ARHGEF28: variants seen among roughly 807,000 people sequenced by gnomAD.
The protein encoded by ARHGEF28 is Rho guanine nucleotide exchange factor 28.
In ARHGEF28, 152 loss-of-function variants were observed where a neutral mutation model predicts 206.6. The ratio of observed to expected loss-of-function variants is 0.74; its 90% CI spans 0.64 to 0.84. The LOEUF is 0.84. Ranked by LOEUF, ARHGEF28 falls within the 40% of genes least tolerant of loss-of-function variation. The probability of loss-of-function intolerance (pLI) is 0.00; values close to 1 mark genes in which losing one functional copy is unlikely to be tolerated. For missense variants in ARHGEF28, 2,028 were observed against 2,073.2 expected, an observed-to-expected ratio of 0.98 and a Z score of 0.42; for synonymous variants, 763 against 776.4, an observed-to-expected ratio of 0.98 and a Z score of 0.29.
intron 2 of ARHGEF28, among the ~76,000 whole-genome samples, chr5:73,701,664 A>G (rs1236111958): frequency 6.6e-6 from 1 of 152,016 alleles, no homozygotes; most frequent in East Asian, 1.9e-4. Context: ...CTTGATCTCT[A>G]TAATTTTGTC....
chr5:73,753,214 C>G lies in ARHGEF28; in HGVS notation c.475+12C>G. On this transcript the variant is annotated intron_variant, in intron 4 of 35. Coordinates refer to ENST00000513042, the MANE Select transcript of ARHGEF28 (RefSeq NM_001177693.2). ...TTCTTCACTTGAAGGTGGGTCATCA[C>G]CAGAAAATTCAGATATCCCCTCTGT... is the stretch of plus-strand genomic sequence containing the variant. 1 of 1,516,272 alleles carries G rather than the reference C, an allele frequency of 6.6e-7. No homozygotes were observed. The highest frequency in any genetic ancestry group is 1.3e-5 in the South Asian group (1 of 74,274). 93.9% of individuals were successfully genotyped at this position (1,516,272 alleles called of 1,614,324 possible). A position where few individuals can be genotyped will look rare whatever the true frequency, so the allele number is the denominator to read the frequency against.
intron 30 of ARHGEF28, chr5:73,900,640 A>T (rs1326233136): frequency 6.6e-6 from 1 of 152,334 alleles, no homozygotes; most frequent in East Asian, 1.9e-4. Flanking sequence ...CTTGGTTTGT[A>T]TGACTATGAG....
intron 14 of ARHGEF28, among the ~76,000 whole-genome samples, chr5:73,857,075 C>T (rs1265937594): frequency 1.3e-5 from 2 of 152,164 alleles, no homozygotes; most frequent in African/African-American, 2.4e-5. Flanking sequence ...TATCCATAGC[C>T]TCTCTCCTCC....
chr5:73,796,450 C>T (rs973350544), intron 9 of ARHGEF28, among the ~76,000 whole-genome samples: 7 of 152,202 alleles, frequency 4.6e-5, no homozygotes, highest in Non-Finnish European at 5.9e-5. Context: ...GGGTAACCCA[C>T]GGGGTCACCG....
chr5:73,748,383 T>G (rs946756167), intron 2 of ARHGEF28, among the ~76,000 whole-genome samples: 3 of 152,218 alleles, frequency 2.0e-5, no homozygotes, highest in Non-Finnish European at 4.4e-5. Context: ...TTTATACCAT[T>G]TCATAATTTC....
intron 11 of ARHGEF28, 104 bp from the exon 12 acceptor site, chr5:73,846,164 C>A (rs72772523): frequency 2.9e-5 from 24 of 841,136 alleles, no homozygotes; most frequent in Middle Eastern, 7.4e-4. Context: ...ACCTATTGCA[C>A]CCCCCCCGCC....
intron 4 of ARHGEF28, among the ~76,000 whole-genome samples, chr5:73,772,800 T>C (rs1406879884): frequency 6.6e-6 from 1 of 152,208 alleles, no homozygotes; most frequent in Non-Finnish European, 1.5e-5. Context: ...TCAAACTGCC[T>C]TTTATTGGTT....
intron 22 of ARHGEF28, among the ~76,000 whole-genome samples, chr5:73,875,553 G>T (rs1378943655): frequency 1.3e-5 from 2 of 151,444 alleles, no homozygotes; most frequent in East Asian, 3.9e-4. Flanking sequence ...ATGGTTTTAG[G>T]TCTAACATGT....
intron 1 of ARHGEF28, among the ~76,000 whole-genome samples, chr5:73,645,359 G>T (rs1744364874): frequency 6.6e-6 from 1 of 152,080 alleles, no homozygotes; most frequent in African/African-American, 2.4e-5. Context: ...TAGGTTGTTA[G>T]GGTTTCCAAT....
chr5:73,680,916 T>G (rs2112239939), intron 1 of ARHGEF28, among the ~76,000 whole-genome samples: 1 of 152,256 alleles, frequency 6.6e-6, no homozygotes, highest in South Asian at 2.1e-4. Flanking sequence ...TTGCCCAGGC[T>G]GGTCTCAAAC....
chr5:73,645,409 T>C (rs1744367476), intron 1 of ARHGEF28, among the ~76,000 whole-genome samples: 1 of 152,204 alleles, frequency 6.6e-6, no homozygotes, highest in Non-Finnish European at 1.5e-5. Flanking sequence ...TGAAATTTCT[T>C]CTCAGATTGT....
At chr5:73,839,549 T>G (rs759112364) in intron 10 of ARHGEF28, among the ~76,000 whole-genome samples, 10 of 152,208 alleles carry the variant, frequency 6.6e-5, no homozygotes, top group Non-Finnish European at 1.2e-4. Flanking sequence ...TTAGAGCAAG[T>G]GCTTTCATCA....
rs773004965 is a variant in ARHGEF28 at position 73,776,559 on chromosome 5, A to T, written c.703A>T (p.Ser235Cys). ...WSPSFSRVQL[S>C]EEASLHYIHS... ...CCCAAGCTTCTCCCGAGTGCAGCTC[A>T]GTGAAGAAGCCTCCTTGCATTACAT... The change falls in exon 6 of 36, where the codon AGT (serine) becomes TGT (cysteine). Residue 235 changes from serine to cysteine, a missense_variant. Ser to Cys is a moderately radical substitution (Grantham distance 112, BLOSUM62 -1). Transcript: ENST00000513042. 1 of 1,613,884 alleles carries T rather than the reference A, an allele frequency of 6.2e-7. No individual in the cohort carries two copies. Among genetic ancestry groups the T allele is most frequent in the South Asian group, 1.1e-5 (1 of 91,052 alleles).
intron 9 of ARHGEF28, among the ~76,000 whole-genome samples, chr5:73,809,430 G>T (rs1755709646): frequency 6.6e-6 from 1 of 152,074 alleles, no homozygotes; most frequent in African/African-American, 2.4e-5. Flanking sequence ...GGAATGACTT[G>T]GTTAGGGCCA....
rs550297224 is a variant in ARHGEF28, at chr5:73,928,524, T to G, written c.4949-12320T>G. ...AAGAAGCAGGTAGAACTAATTAGCT[T>G]GGGTGTGTTAGGTTTAATTGCTTGC... On this transcript the variant is annotated intron_variant, in intron 35 of 35. Transcript: ENST00000513042. Among the ~76,000 whole-genome samples the G allele has an allele frequency of 1.5e-4, 23 of 152,290 alleles. 1 individual carries two copies. The South Asian group carries it at 4.8e-3, about 32-fold the overall frequency.
At chr5:73,872,280 A>G (rs1253243869) in intron 21 of ARHGEF28, among the ~76,000 whole-genome samples, 1 of 152,108 alleles carries the variant, frequency 6.6e-6, no homozygotes, top group Non-Finnish European at 1.5e-5. Context: ...CCATTTGTAT[A>G]TCCTTTTGGA....
intron 2 of ARHGEF28, among the ~76,000 whole-genome samples, chr5:73,739,466 G>C (rs1453006992): frequency 1.3e-5 from 2 of 152,106 alleles, no homozygotes; most frequent in Non-Finnish European, 2.9e-5. Context: ...AATAAACTAA[G>C]CATAAATCCA....
intron 9 of ARHGEF28, among the ~76,000 whole-genome samples, chr5:73,809,923 A>G (rs954486210): frequency 1.3e-5 from 2 of 152,238 alleles, no homozygotes; most frequent in African/African-American, 4.8e-5. Flanking sequence ...TGCAATTACA[A>G]TCAGCCAGTA....
At chr5:73,722,785 C>CATAT (rs1031669789) in intron 2 of ARHGEF28, among the ~76,000 whole-genome samples, 18 of 151,932 alleles carry the variant, frequency 1.2e-4, no homozygotes, top group African/African-American at 4.4e-4. Context: ...CAAATGCATA[C>CATAT]ATATCTCTCT....
Sources: gnomAD v4.1 joint callset for allele counts (sites outside exome capture counted in the v4.1 genomes callset) on GRCh38, gnomAD v4.1.1 for gene constraint, MANE v1.5 for transcripts, NCBI Gene and HGNC (gene_info 2026-07-23, HGNC 2026-07-21) for gene names.